The following TMEM50B variants were observed in gnomAD, a reference collection of about 807,000 sequenced individuals.
TMEM50B encodes the protein HCV p7-trans-regulated protein 3.
Under a neutral mutation model 23.4 loss-of-function variants are expected in TMEM50B, and 14 were observed. That is an observed-to-expected ratio of 0.60 (90% confidence interval 0.39 to 0.93). The LOEUF (loss-of-function observed/expected upper bound fraction) is 0.93. TMEM50B is among the 40% of genes least tolerant of loss of function. The probability of loss-of-function intolerance (pLI) is 0.00; values close to 1 mark genes in which losing one functional copy is unlikely to be tolerated. For synonymous variants in TMEM50B, 64 were observed against 62.3 expected, an observed-to-expected ratio of 1.03 and a Z score of -0.13; for missense variants, 159 against 193.0, an observed-to-expected ratio of 0.82 and a Z score of 1.04.
chr21:33,472,157 G>A (rs1162829044), intron 1 of TMEM50B, among the ~76,000 whole-genome samples: 2 of 151,630 alleles, frequency 1.3e-5, no homozygotes, highest in Non-Finnish European at 2.9e-5. Flanking sequence ...GCCAAGGCGG[G>A]GGGATCACGA....
intron 4 of TMEM50B, among the ~76,000 whole-genome samples, chr21:33,461,405 C>T (rs1309677702): frequency 1.3e-5 from 2 of 152,102 alleles, no homozygotes; most frequent in Admixed American, 1.3e-4. Flanking sequence ...CAATACTAAG[C>T]AGATCTCCAG....
intron 5 of TMEM50B, among the ~76,000 whole-genome samples, chr21:33,457,885 C>G (rs1003184576): frequency 1.3e-5 from 2 of 151,956 alleles, no homozygotes; most frequent in Non-Finnish European, 2.9e-5. Context: ...CTTACGTAAA[C>G]GAACTGAAAC....
intron 1 of TMEM50B, among the ~76,000 whole-genome samples, chr21:33,475,658 T>TA (rs1270803408): frequency 3.3e-5 from 5 of 150,742 alleles, no homozygotes; most frequent in Admixed American, 2.6e-4. Context: ...AAATTACTTT[T>TA]AAAAAAGAAC....
chr21:33,438,215 TAGG>T (rs2083976263), intron 8 of TMEM50B, among the ~76,000 whole-genome samples: 2 of 152,178 alleles, frequency 1.3e-5, no homozygotes, highest in African/African-American at 4.8e-5. Flanking sequence ...GCCTAGGAGT[TAGG>T]AGTTCAAGGC....
intron 6 of TMEM50B, among the ~76,000 whole-genome samples, chr21:33,451,614 A>G (rs1038890725): frequency 6.6e-6 from 1 of 152,088 alleles, no homozygotes; most frequent in African/African-American, 2.4e-5. Context: ...GCGGGAGCAG[A>G]GAGATGGGAC....
At chr21:33,461,232 C>T (rs1270951895) in intron 4 of TMEM50B, among the ~76,000 whole-genome samples, 1 of 152,130 alleles carries the variant, frequency 6.6e-6, no homozygotes, top group Non-Finnish European at 1.5e-5. Context: ...TAGCCAATTT[C>T]CATAACAGAA....
At chr21:33,459,122 G>C (rs989094401) in intron 5 of TMEM50B, among the ~76,000 whole-genome samples, 5 of 152,298 alleles carry the variant, frequency 3.3e-5, no homozygotes, top group African/African-American at 1.2e-4. Flanking sequence ...CTCTGAAACT[G>C]ACTCCTGTCT....
intron 5 of TMEM50B, among the ~76,000 whole-genome samples, chr21:33,458,005 C>T (rs1183095317): frequency 6.6e-6 from 1 of 152,214 alleles, no homozygotes; most frequent in Non-Finnish European, 1.5e-5. Context: ...ATAAGACAAA[C>T]ATATAGCTAC....
At chr21:33,464,590 G>A (rs2084247411) in intron 4 of TMEM50B, among the ~76,000 whole-genome samples, 1 of 149,588 alleles carries the variant, frequency 6.7e-6, no homozygotes, top group Non-Finnish European at 1.5e-5. Context: ...TGGATCACCT[G>A]AGGTCGGGAG....
intron 7 of TMEM50B, among the ~76,000 whole-genome samples, chr21:33,439,608 G>C (rs1160874540): frequency 1.3e-5 from 2 of 151,766 alleles, no homozygotes; most frequent in Admixed American, 1.3e-4. Flanking sequence ...TCAAACTCCT[G>C]ACCTCAGGTG....
At position 33,442,856 on chromosome 21, in the gene TMEM50B, G is replaced by A. The variant is rs527353272; in HGVS notation, c.*2037-3559C>T. Among the ~76,000 whole-genome samples the A allele has an allele frequency of 3.9e-5, 6 of 152,162 alleles. No individual in the cohort carries two copies. In the East Asian group the frequency reaches 1.2e-3, roughly 29 times the overall value. ...GAATCGCTTGAACCTGGGAGGCGGA[G>A]GTTGCAGTGAGCAAGATCGTGCCAC... On this transcript the variant is annotated intron_variant and NMD_transcript_variant, in intron 7 of 8. Transcript: ENST00000420455.
intron 2 of TMEM50B, chr21:33,468,534 C>T (rs575216146): frequency 7.3e-6 from 3 of 409,222 alleles, no homozygotes; most frequent in East Asian, 7.8e-5. Flanking sequence ...GTTAAAAATG[C>T]TATTGCCTAT....
intron 1 of TMEM50B, among the ~76,000 whole-genome samples, chr21:33,478,483 G>T (rs2084394721): frequency 6.6e-6 from 1 of 152,034 alleles, no homozygotes; most frequent in African/African-American, 2.4e-5. Context: ...AACAGAAAAG[G>T]AAAATGAGGA....
chr21:33,473,332 A>G (rs1032279747), intron 1 of TMEM50B, among the ~76,000 whole-genome samples: 6 of 152,012 alleles, frequency 3.9e-5, no homozygotes, highest in African/African-American at 1.4e-4. Context: ...CCTTACCTGT[A>G]GACCCAGCTA....
intron 5 of TMEM50B, among the ~76,000 whole-genome samples, chr21:33,457,651 CAAAAAA>C (rs11334898): frequency 8.1e-6 from 1 of 123,588 alleles, no homozygotes. Context: ...AACTCCAACT[CAAAAAA>C]AAAAAAAAAA....
At chr21:33,472,029 TAA>T (rs34148632) in intron 1 of TMEM50B, among the ~76,000 whole-genome samples, 26 of 117,910 alleles carry the variant, frequency 2.2e-4, no homozygotes, top group Admixed American at 3.7e-4. Flanking sequence ...GAGACTCCCC[TAA>T]AAAAAAAAAA....
In TMEM50B at chr21:33,450,672, AC is replaced by A; in HGVS notation, c.*145del. ...ATGAAAAATAAAGAAATTTCATAAA[AC>A]TATTTCAAAACTCAGAACATAAAAA... On this transcript the variant is annotated 3_prime_UTR_variant, in exon 7 of 7. Transcript: ENST00000542230. 1.6e-6 allele frequency: 1 copy of A among 608,042 alleles called. No individual in the cohort carries two copies. The highest frequency in any genetic ancestry group is 2.8e-5 in the East Asian group (1 of 36,142). The allele number at this position is 608,042 out of a possible 1,614,324, so 37.7% of individuals were successfully genotyped here. A position where few individuals can be genotyped will look rare whatever the true frequency, so the allele number is the denominator to read the frequency against.
intron 1 of TMEM50B, among the ~76,000 whole-genome samples, chr21:33,476,989 C>T (rs1005929272): frequency 2.6e-5 from 4 of 151,764 alleles, no homozygotes; most frequent in Non-Finnish European, 5.9e-5. Context: ...CAACGGTATA[C>T]CATGCAACAT....
At chr21:33,447,084 A>C (rs563684120), downstream of TMEM50B, 1 of 150,624 alleles carries the variant, frequency 6.6e-6, no homozygotes, top group Non-Finnish European at 1.5e-5. Flanking sequence ...CAGAGGTTGC[A>C]GTGAGCTGAG....
Sources: allele counts gnomAD v4.1 joint callset (sites outside exome capture counted in the v4.1 genomes callset), GRCh38; gene constraint gnomAD v4.1.1; transcripts MANE v1.5; gene names NCBI Gene and HGNC (gene_info 2026-07-23, HGNC 2026-07-21).